Variants in WWOX observed in about 807,000 individuals in gnomAD.
WWOX encodes the protein WW domain containing oxidoreductase, also known as WW domain-containing oxidoreductase.
WWOX carries 69 observed loss-of-function variants against 46.2 expected under a neutral mutation model. That is an observed-to-expected ratio of 1.49 (90% CI 1.23 to 1.82). WWOX has a LOEUF of 1.82. WWOX is among the 40% of genes most tolerant of loss of function. The probability of loss-of-function intolerance (pLI) is 0.00; values close to 1 mark genes in which losing one functional copy is unlikely to be tolerated. For synonymous variants in WWOX, 359 were observed against 202.6 expected (o/e 1.77, Z -6.56); for missense variants, 919 against 542.6 (o/e 1.69, Z -6.89).
chr16:78,455,336 A>G lies in WWOX; in HGVS notation c.1056+22584A>G, dbSNP rs139236772. Among the ~76,000 whole-genome samples, 870 of 152,242 alleles carry G rather than the reference A, an allele frequency of 5.7e-3. 8 individuals carry two copies. Among genetic ancestry groups the G allele is most frequent in the African/African-American group, 0.02 (824 of 41,532 alleles). The stretch of plus-strand genomic sequence containing the variant: ...CAGTAATGAAGATAAATGATATTCT[A>G]ATCTAATATTTTAAAAAATCGAGGC... On this transcript the variant is annotated intron_variant, in intron 8 of 8. Transcript: ENST00000566780.
intron 8 of WWOX, among the ~76,000 whole-genome samples, chr16:78,673,502 C>A (rs775700502): frequency 6.6e-6 from 1 of 152,166 alleles, no homozygotes; most frequent in East Asian, 1.9e-4. Flanking sequence ...AACTCACAGA[C>A]TAGTTACATC....
intron 4 of WWOX, among the ~76,000 whole-genome samples, chr16:78,163,598 G>A (rs116265922): frequency 3.0e-3 from 450 of 152,308 alleles, no homozygotes; most frequent in African/African-American, 0.01. Flanking sequence ...AAAATTCTTA[G>A]TCATAGTGCC....
chr16:78,163,884 C>T (rs1404161680), intron 4 of WWOX, among the ~76,000 whole-genome samples: 1 of 152,186 alleles, frequency 6.6e-6, no homozygotes, highest in Non-Finnish European at 1.5e-5. Context: ...GACAAGTTTT[C>T]TCACCATCAC....
intron 8 of WWOX, among the ~76,000 whole-genome samples, chr16:78,806,701 A>C (rs923356631): frequency 1.3e-5 from 2 of 152,138 alleles, no homozygotes; most frequent in Non-Finnish European, 2.9e-5. Context: ...CTTCCATAGA[A>C]GTTACATAGC....
intron 8 of WWOX, among the ~76,000 whole-genome samples, chr16:78,919,984 C>A (rs776105263): frequency 6.6e-6 from 1 of 152,210 alleles, no homozygotes; most frequent in Non-Finnish European, 1.5e-5. Flanking sequence ...GGTTTGCCTC[C>A]TTCTCATGCT....
intron 8 of WWOX, among the ~76,000 whole-genome samples, chr16:79,042,603 T>G (rs183241721): frequency 6.6e-6 from 1 of 152,298 alleles, no homozygotes; most frequent in Admixed American, 6.5e-5. Context: ...TTGGAGCAAA[T>G]TAACTATACA....
chr16:78,906,311 GA>G (rs1312830141), intron 8 of WWOX, among the ~76,000 whole-genome samples: 1 of 152,170 alleles, frequency 6.6e-6, no homozygotes, highest in Non-Finnish European at 1.5e-5. Flanking sequence ...TCTTGGCCTT[GA>G]ATAAGATGAC....
chr16:78,653,599 C>G (rs1040671056), intron 8 of WWOX, among the ~76,000 whole-genome samples: 46 of 152,238 alleles, frequency 3.0e-4, no homozygotes, highest in African/African-American at 1.1e-3. Flanking sequence ...CCTGGACTAG[C>G]AGTTGCCAGC....
At position 79,211,812 on chromosome 16, in the gene WWOX, G is replaced by A. The variant is rs1281663738; in HGVS notation, c.*16G>A. On this transcript the variant is annotated 3_prime_UTR_variant, in exon 9 of 9. Coordinates refer to ENST00000566780, the MANE Select transcript of WWOX (RefSeq NM_016373.4). ...GTCCGGCTAAGTGGAGCTCAGAGCGGATGGGCACACACACCCGCCCTGTGT... is the reference window on the plus strand; with the variant it reads ...GTCCGGCTAAGTGGAGCTCAGAGCGAATGGGCACACACACCCGCCCTGTGT... 3 of 1,613,798 alleles carry A rather than the reference G, an allele frequency of 1.9e-6. No homozygotes were observed. Among genetic ancestry groups the A allele is most frequent in the Non-Finnish European group, 2.5e-6 (3 of 1,179,978 alleles).
intron 8 of WWOX, among the ~76,000 whole-genome samples, chr16:78,549,267 C>T (rs565554864): frequency 6.6e-6 from 1 of 152,194 alleles, no homozygotes; most frequent in Non-Finnish European, 1.5e-5. Context: ...ATTCATTCTT[C>T]ACGTCTCAGA....
chr16:78,930,511 G>C (rs1359128715), intron 8 of WWOX, among the ~76,000 whole-genome samples: 1 of 132,192 alleles, frequency 7.6e-6, no homozygotes, highest in East Asian at 2.4e-4. Context: ...GGCTGGTCTT[G>C]AACTCCTAGC....
chr16:78,120,495 G>T (rs1298891373), intron 4 of WWOX, among the ~76,000 whole-genome samples: 2 of 151,632 alleles, frequency 1.3e-5, no homozygotes, highest in African/African-American at 4.8e-5. Context: ...GCGTGAACCC[G>T]GGAAGTGGAG....
chr16:78,629,981 C>G (rs1357381634), intron 8 of WWOX, among the ~76,000 whole-genome samples: 1 of 152,124 alleles, frequency 6.6e-6, no homozygotes, highest in Non-Finnish European at 1.5e-5. Flanking sequence ...TGTATTTGTC[C>G]TCCCCACTTC....
At chr16:78,754,469 G>A (rs180821870) in intron 8 of WWOX, among the ~76,000 whole-genome samples, 1 of 152,262 alleles carries the variant, frequency 6.6e-6, no homozygotes, top group Admixed American at 6.5e-5. Context: ...TGTTCTCTTA[G>A]TACCTACCGC....
chr16:78,822,452 C>A (rs73577436), intron 8 of WWOX, among the ~76,000 whole-genome samples: 12 of 151,020 alleles, frequency 7.9e-5, no homozygotes, highest in African/African-American at 2.9e-4. Flanking sequence ...TGAGACTGCG[C>A]CAGTGTACTC....
At chr16:78,306,554 C>T (rs976891709) in intron 5 of WWOX, among the ~76,000 whole-genome samples, 3 of 152,124 alleles carry the variant, frequency 2.0e-5, no homozygotes, top group African/African-American at 7.2e-5. Context: ...GGGCTTGCTT[C>T]CACTTGTGGC....
At chr16:78,221,895 A>G (rs1160830318) in intron 5 of WWOX, among the ~76,000 whole-genome samples, 4 of 150,990 alleles carry the variant, frequency 2.6e-5, no homozygotes, top group Admixed American at 6.6e-5. Flanking sequence ...GGTTTGGGTA[A>G]TTCATTGGGC....
chr16:79,087,215 C>G (rs554780387), intron 8 of WWOX, among the ~76,000 whole-genome samples: 1 of 152,312 alleles, frequency 6.6e-6, no homozygotes, highest in African/African-American at 2.4e-5. Context: ...TCACCTAAAT[C>G]TTCAAAAGTG....
At chr16:79,124,175 A>T (rs1485576086) in intron 8 of WWOX, among the ~76,000 whole-genome samples, 3 of 152,120 alleles carry the variant, frequency 2.0e-5, no homozygotes, top group African/African-American at 7.2e-5. Flanking sequence ...CCTGTTGTCA[A>T]TTCTGCCCGT....
Sources: allele counts gnomAD v4.1 joint callset (sites outside exome capture counted in the v4.1 genomes callset), GRCh38; gene constraint gnomAD v4.1.1; transcripts MANE v1.5; gene names NCBI Gene and HGNC (gene_info 2026-07-23, HGNC 2026-07-21).